The following OTUD7A variants were observed in gnomAD, a reference collection of about 807,000 sequenced individuals.
OTUD7A encodes the protein OTU domain-containing protein 7A.
In OTUD7A, 12 loss-of-function variants were observed where a neutral mutation model predicts 65.7. The observed-to-expected ratio is 0.18, with a 90% confidence interval of 0.12 to 0.30. OTUD7A has a LOEUF of 0.30. Among genes scored for constraint, OTUD7A ranks in the 10% least tolerant of loss-of-function variants. The probability of loss-of-function intolerance (pLI) is 1.00; values close to 1 mark genes in which losing one functional copy is unlikely to be tolerated. For synonymous variants in OTUD7A, 641 were observed against 586.3 expected, an observed-to-expected ratio of 1.09 and a Z score of -1.35; for missense variants, 1,148 against 1,304.8, an observed-to-expected ratio of 0.88 and a Z score of 1.85.
At chr15:31,826,467 C>T (rs1896800645) in intron 1 of OTUD7A, among the ~76,000 whole-genome samples, 3 of 152,194 alleles carry the variant, frequency 2.0e-5, no homozygotes, top group Admixed American at 2.0e-4. Context: ...GCTTGGGCAC[C>T]CTGGGCCCAG....
At chr15:31,658,110 G>C (rs574689723) in intron 1 of OTUD7A, among the ~76,000 whole-genome samples, 25 of 152,204 alleles carry the variant, frequency 1.6e-4, no homozygotes, top group African/African-American at 5.3e-4. Context: ...GTGACCTTGG[G>C]CATGTTATAT....
intron 1 of OTUD7A, among the ~76,000 whole-genome samples, chr15:31,855,332 A>C (rs1022350096): frequency 6.6e-6 from 1 of 152,220 alleles, no homozygotes; most frequent in African/African-American, 2.4e-5. Flanking sequence ...ATATAGTTTT[A>C]AAGGAAATTA....
At chr15:31,852,213 T>C (rs890787418) in intron 1 of OTUD7A, among the ~76,000 whole-genome samples, 1 of 152,170 alleles carries the variant, frequency 6.6e-6, no homozygotes, top group Admixed American at 6.5e-5. Context: ...ACAGTAAGTG[T>C]GGGTGCCCTC....
At chr15:31,631,264 G>C (rs1461172607) in intron 3 of OTUD7A, among the ~76,000 whole-genome samples, 1 of 152,156 alleles carries the variant, frequency 6.6e-6, no homozygotes, top group Non-Finnish European at 1.5e-5. Flanking sequence ...TCCTTTAAGA[G>C]CTCTTTTAGG....
intron 1 of OTUD7A, among the ~76,000 whole-genome samples, chr15:31,757,913 A>G (rs1325812706): frequency 6.6e-6 from 1 of 152,226 alleles, no homozygotes; most frequent in Non-Finnish European, 1.5e-5. Flanking sequence ...GATCGTTAGA[A>G]CAGATGTGGC....
chr15:31,727,326 CTTTCCAG>C (rs1301317172), intron 1 of OTUD7A, among the ~76,000 whole-genome samples: 1 of 152,238 alleles, frequency 6.6e-6, no homozygotes, highest in Non-Finnish European at 1.5e-5. Flanking sequence ...CTGTTCTAGG[CTTTCCAG>C]TTTCTCCCAC....
chr15:31,528,886 G>A (rs993051594), intron 6 of OTUD7A, among the ~76,000 whole-genome samples: 5 of 152,374 alleles, frequency 3.3e-5, no homozygotes, highest in Non-Finnish European at 5.9e-5. Context: ...GAAACAAAGT[G>A]CTGGGATAAG....
chr15:31,724,882 G>C (rs191250473), intron 1 of OTUD7A, among the ~76,000 whole-genome samples: 51 of 152,238 alleles, frequency 3.4e-4, no homozygotes, highest in Non-Finnish European at 1.6e-4. Context: ...ATTAAGTCAA[G>C]AGAGGGGCAG....
intron 1 of OTUD7A, among the ~76,000 whole-genome samples, chr15:31,792,632 G>A (rs1447303558): frequency 6.6e-6 from 1 of 152,158 alleles, no homozygotes; most frequent in Non-Finnish European, 1.5e-5. Context: ...GTCTGAGGCA[G>A]TCCTCAGTCT....
At chr15:31,592,630 C>T (rs887051252) in intron 3 of OTUD7A, among the ~76,000 whole-genome samples, 1 of 151,658 alleles carries the variant, frequency 6.6e-6, no homozygotes, top group Non-Finnish European at 1.5e-5. Context: ...CCTGTAATCC[C>T]AGCATTTTGG....
intron 1 of OTUD7A, among the ~76,000 whole-genome samples, chr15:31,659,041 G>GAATA (rs199748846): frequency 0.015 from 1,886 of 125,372 alleles, 27 homozygotes; most frequent in Non-Finnish European, 0.019. Flanking sequence ...ATGAATGAAT[G>GAATA]AATAAATAAA....
chr15:31,673,188 C>T (rs1479503232), intron 1 of OTUD7A, among the ~76,000 whole-genome samples: 9 of 152,224 alleles, frequency 5.9e-5, no homozygotes. Context: ...AGCTCCTTGA[C>T]TTATGATGGG....
chr15:31,592,606 C>T (rs546407804), intron 3 of OTUD7A, among the ~76,000 whole-genome samples: 2 of 151,844 alleles, frequency 1.3e-5, no homozygotes, highest in Middle Eastern at 3.4e-3. Flanking sequence ...AGTAGGGCCG[C>T]GCGGTGGCTC....
Position 31,477,608 on chromosome 15 carries a change from T to C in OTUD7A, c.*5686A>G, listed in dbSNP as rs903850019. The C allele has an allele frequency of 5.3e-5, 8 of 152,220 alleles. No homozygotes were observed. Among genetic ancestry groups the C allele is most frequent in the African/African-American group, 2.4e-5 (1 of 41,470 alleles). 9.4% of individuals were successfully genotyped at this position (152,220 alleles called of 1,614,324 possible). A position where few individuals can be genotyped will look rare whatever the true frequency, so the allele number is the denominator to read the frequency against. On this transcript the variant is annotated 3_prime_UTR_variant, in exon 13 of 13. Coordinates refer to ENST00000307050, the MANE Select transcript of OTUD7A (RefSeq NM_001382637.1). ...TCACAATAATAGAACCTAGATTTGA[T>C]GAAAGCTGAAATTGACATTTTCTGG...
At chr15:31,830,223 G>C (rs1445090105) in intron 1 of OTUD7A, among the ~76,000 whole-genome samples, 1 of 152,160 alleles carries the variant, frequency 6.6e-6, no homozygotes, top group Non-Finnish European at 1.5e-5. Flanking sequence ...CTTAGTCAAT[G>C]ATTTTAAACG....
chr15:31,816,843 C>G (rs953792498), intron 1 of OTUD7A, among the ~76,000 whole-genome samples: 1 of 152,174 alleles, frequency 6.6e-6, no homozygotes, highest in Non-Finnish European at 1.5e-5. Context: ...TTCATATGCA[C>G]TCATGCCTGC....
At chr15:31,844,226 G>A (rs1055672203) in intron 1 of OTUD7A, among the ~76,000 whole-genome samples, 20 of 152,100 alleles carry the variant, frequency 1.3e-4, no homozygotes, top group Admixed American at 1.2e-3. Context: ...CGCACACTGC[G>A]CTGGGTGCGG....
At chr15:31,812,325 C>G (rs1439347419) in intron 1 of OTUD7A, among the ~76,000 whole-genome samples, 4 of 152,188 alleles carry the variant, frequency 2.6e-5, no homozygotes, top group Non-Finnish European at 5.9e-5. Flanking sequence ...GTTACGGCAT[C>G]AACTGCCCTT....
chr15:31,514,463 T>C (rs966150909), intron 8 of OTUD7A, among the ~76,000 whole-genome samples: 2 of 152,136 alleles, frequency 1.3e-5, no homozygotes, highest in Non-Finnish European at 2.9e-5. Flanking sequence ...TCTCTCCCTC[T>C]CCATGTTTAT....
Sources: allele counts gnomAD v4.1 joint callset (sites outside exome capture counted in the v4.1 genomes callset), GRCh38; gene constraint gnomAD v4.1.1; transcripts MANE v1.5; gene names NCBI Gene and HGNC (gene_info 2026-07-23, HGNC 2026-07-21).